Variants in MPPED1 observed in about 807,000 individuals in gnomAD.
MPPED1 encodes metallophosphoesterase domain-containing protein 1.
A neutral mutation model predicts 36.2 loss-of-function variants in MPPED1; 16 were observed. The ratio of observed to expected loss-of-function variants is 0.44; its 90% CI spans 0.30 to 0.67. The LOEUF (loss-of-function observed/expected upper bound fraction) is 0.67. Among genes scored for constraint, MPPED1 ranks in the 30% least tolerant of loss-of-function variants. MPPED1 has a pLI of 0.10. For synonymous variants in MPPED1, 199 were observed against 191.3 expected (o/e 1.04, Z -0.33); for missense variants, 307 against 453.4 (o/e 0.68, Z 2.93).
At chr22:43,467,056 T>C (rs1160961768) in intron 3 of MPPED1, among the ~76,000 whole-genome samples, 5 of 152,238 alleles carry the variant, frequency 3.3e-5, no homozygotes, top group South Asian at 4.1e-4. Flanking sequence ...CGTGTCTTCA[T>C]CAGCTTGATC....
chr22:43,498,013 T>TA, intron 4 of MPPED1, among the ~76,000 whole-genome samples: 1 of 149,906 alleles, frequency 6.7e-6, no homozygotes, highest in Non-Finnish European at 1.5e-5. Flanking sequence ...AAACTGCAGG[T>TA]AAGCAGAAGG....
rs954274816 is a variant in MPPED1, at chr22:43,412,051, C to G, written c.-186C>G. ...GGACGCGCGGCGAGGCGGCCGCCGCCGGAGGAGCCCCCGCCCCTGCGCGCC... is the reference window on the plus strand; with the variant it reads ...GGACGCGCGGCGAGGCGGCCGCCGCGGGAGGAGCCCCCGCCCCTGCGCGCC... On this transcript the variant is annotated 5_prime_UTR_variant, in exon 1 of 7. Transcript: ENST00000443721. 8.2e-6 allele frequency: 8 copies of G among 978,688 alleles called. No homozygotes were observed. Among genetic ancestry groups the G allele is most frequent in the Middle Eastern group, 5.3e-4 (1 of 1,900 alleles). 60.6% of individuals were successfully genotyped at this position (978,688 alleles called of 1,614,324 possible).
At chr22:43,494,405 G>C (rs1185833745) in intron 4 of MPPED1, among the ~76,000 whole-genome samples, 1 of 152,144 alleles carries the variant, frequency 6.6e-6, no homozygotes, top group Non-Finnish European at 1.5e-5. Flanking sequence ...CCACACTGTT[G>C]TGGTTTCTGA....
intron 5 of MPPED1, among the ~76,000 whole-genome samples, chr22:43,501,978 C>T (rs28545095): frequency 0.029 from 4,412 of 152,066 alleles, 217 homozygotes; most frequent in African/African-American, 0.1. Context: ...AGAGAGGGGC[C>T]GCCATGAACC....
intron 4 of MPPED1, among the ~76,000 whole-genome samples, chr22:43,477,962 G>A (rs1931629496): frequency 1.3e-5 from 2 of 152,228 alleles, no homozygotes; most frequent in Admixed American, 6.5e-5. Flanking sequence ...CTGGAGAGTG[G>A]CTGTGGTCAT....
At chr22:43,478,873 G>A (rs1450942496) in intron 4 of MPPED1, among the ~76,000 whole-genome samples, 2 of 152,278 alleles carry the variant, frequency 1.3e-5, no homozygotes, top group African/African-American at 4.8e-5. Flanking sequence ...AAGGTGACAT[G>A]ACGTGATCTA....
intron 3 of MPPED1, among the ~76,000 whole-genome samples, chr22:43,448,284 A>G (rs1170788071): frequency 1.3e-5 from 2 of 152,344 alleles, no homozygotes; most frequent in South Asian, 4.1e-4. Flanking sequence ...CCAGTGTGGT[A>G]ACCACGAGCC....
intron 3 of MPPED1, among the ~76,000 whole-genome samples, chr22:43,445,504 T>C (rs1233397058): frequency 6.6e-6 from 1 of 151,358 alleles, no homozygotes; most frequent in Non-Finnish European, 1.5e-5. Context: ...AGGACACACG[T>C]ACCCTGCCCC....
intron 3 of MPPED1, among the ~76,000 whole-genome samples, chr22:43,463,946 T>A (rs1187219253): frequency 1.3e-5 from 2 of 151,698 alleles, no homozygotes; most frequent in African/African-American, 4.8e-5. Flanking sequence ...TCTTGCTCTG[T>A]TGCCCAGGCT....
chr22:43,445,535 A>G (rs1035021243), intron 3 of MPPED1, among the ~76,000 whole-genome samples: 27 of 143,934 alleles, frequency 1.9e-4, no homozygotes, highest in African/African-American at 6.6e-4. Flanking sequence ...CATCTTATCT[A>G]TATCTTTGCT....
intron 1 of MPPED1, among the ~76,000 whole-genome samples, chr22:43,413,502 T>C (rs891278260): frequency 2.0e-5 from 3 of 152,270 alleles, no homozygotes. Context: ...GAGCCAGGGC[T>C]CTAAGAGACT....
intron 3 of MPPED1, among the ~76,000 whole-genome samples, chr22:43,455,122 T>TTTTTTTTTTTA (rs1489776369): frequency 6.7e-6 from 1 of 148,382 alleles, no homozygotes; most frequent in Non-Finnish European, 1.5e-5. Flanking sequence ...GTCCTTTTTT[T>TTTTTTTTTTTA]TTTTTGAGAC....
At chr22:43,432,929 G>GAA (rs1350034487) in intron 2 of MPPED1, among the ~76,000 whole-genome samples, 1 of 101,730 alleles carries the variant, frequency 9.8e-6, no homozygotes. Flanking sequence ...AGGAGAGAGA[G>GAA]AGGGAAAGAG....
At chr22:43,426,920 G>A (rs1009606991) in intron 2 of MPPED1, among the ~76,000 whole-genome samples, 3 of 152,214 alleles carry the variant, frequency 2.0e-5, no homozygotes, top group East Asian at 1.9e-4. Flanking sequence ...CAGGCTTGCC[G>A]CTCCTCGGTC....
chr22:43,467,739 G>T (rs960846832), intron 3 of MPPED1, among the ~76,000 whole-genome samples: 1 of 152,150 alleles, frequency 6.6e-6, no homozygotes, highest in African/African-American at 2.4e-5. Context: ...TGTTCTGCGA[G>T]ATGGGAATGG....
intron 4 of MPPED1, among the ~76,000 whole-genome samples, chr22:43,490,383 C>T (rs137974871): frequency 0.022 from 3,346 of 152,256 alleles, 48 homozygotes; most frequent in Non-Finnish European, 0.036. Flanking sequence ...CCTCTCTGGG[C>T]ATTGGGGTGG....
intron 3 of MPPED1, among the ~76,000 whole-genome samples, chr22:43,472,188 T>C (rs1392428773): frequency 6.6e-6 from 1 of 152,192 alleles, no homozygotes; most frequent in African/African-American, 2.4e-5. Context: ...ACAGAAGTAA[T>C]GAAATGTTAT....
chr22:43,429,912 T>G (rs1329714122), intron 2 of MPPED1, among the ~76,000 whole-genome samples: 1 of 151,866 alleles, frequency 6.6e-6, no homozygotes, highest in East Asian at 1.9e-4. Flanking sequence ...GAGGCCAGGA[T>G]GTGGGAAGGA....
chr22:43,493,514 G>A (rs1342254428), intron 4 of MPPED1, among the ~76,000 whole-genome samples: 5 of 152,220 alleles, frequency 3.3e-5, no homozygotes, highest in Non-Finnish European at 7.3e-5. Flanking sequence ...CACAGCATGT[G>A]GTGGCGGGAG....
Sources: allele counts gnomAD v4.1 joint callset (sites outside exome capture counted in the v4.1 genomes callset), GRCh38; gene constraint gnomAD v4.1.1; transcripts MANE v1.5; gene names NCBI Gene and HGNC (gene_info 2026-07-23, HGNC 2026-07-21).